Variants in GPHN observed in about 807,000 individuals in gnomAD.
The protein encoded by GPHN is gephyrin.
In GPHN, 17 loss-of-function variants were observed where a neutral mutation model predicts 95.5. The observed-to-expected ratio is 0.18, with a 90% CI of 0.12 to 0.27. The LOEUF (loss-of-function observed/expected upper bound fraction) is 0.27. Among genes scored for constraint, GPHN ranks in the 10% least tolerant of loss-of-function variants. The probability of loss-of-function intolerance (pLI) is 1.00; values close to 1 mark genes in which losing one functional copy is unlikely to be tolerated. For synonymous variants in GPHN, 320 were observed against 322.5 expected (o/e 0.99, Z 0.08); for missense variants, 660 against 978.1 (o/e 0.67, Z 4.34).
At chr14:67,211,152 A>T in the GPHN span, among the ~76,000 whole-genome samples, 1 of 152,208 alleles carries the variant, frequency 6.6e-6, no homozygotes, top group East Asian at 1.9e-4. Context: ...ACTATCTACC[A>T]TGTAGAATTG....
intron 5 of GPHN, among the ~76,000 whole-genome samples, chr14:66,880,670 C>A (rs980912070): frequency 6.6e-6 from 1 of 151,806 alleles, no homozygotes; most frequent in African/African-American, 2.4e-5. Flanking sequence ...TATTGTTAAT[C>A]TTTTAATGCT....
At chr14:67,607,459 C>T in the GPHN span, among the ~76,000 whole-genome samples, 1 of 152,066 alleles carries the variant, frequency 6.6e-6, no homozygotes. Context: ...CTCTGCCTCC[C>T]AGGTTCAAGA....
chr14:66,656,419 C>T (rs904411649), intron 1 of GPHN, among the ~76,000 whole-genome samples: 1 of 152,018 alleles, frequency 6.6e-6, no homozygotes, highest in East Asian at 1.9e-4. Context: ...CCTTTTGATT[C>T]CTACAGAGTC....
At chr14:67,418,807 A>G in the GPHN span, among the ~76,000 whole-genome samples, 3 of 152,206 alleles carry the variant, frequency 2.0e-5, no homozygotes, top group African/African-American at 4.8e-5. Context: ...TCTCCCTGCC[A>G]TGGAGGGGTG....
At chr14:67,719,836 C>CT in the GPHN span, among the ~76,000 whole-genome samples, 7 of 152,042 alleles carry the variant, frequency 4.6e-5, no homozygotes, top group Admixed American at 6.6e-5. Flanking sequence ...ATTATTTATT[C>CT]TTTTTTTACA....
chr14:66,617,621 A>G (rs1252835825), intron 1 of GPHN, among the ~76,000 whole-genome samples: 2 of 152,092 alleles, frequency 1.3e-5, no homozygotes, highest in African/African-American at 4.8e-5. Flanking sequence ...TTTCAATGGG[A>G]GCCTCCGAAC....
chr14:67,708,163 T>C, the GPHN span, among the ~76,000 whole-genome samples: 1 of 152,224 alleles, frequency 6.6e-6, no homozygotes, highest in Non-Finnish European at 1.5e-5. Context: ...GGGAGTATAC[T>C]TTAGTCAATT....
At chr14:66,677,962 T>A (rs1343042771) in intron 1 of GPHN, among the ~76,000 whole-genome samples, 1 of 152,194 alleles carries the variant, frequency 6.6e-6, no homozygotes, top group Admixed American at 6.5e-5. Flanking sequence ...AGAAATTTAC[T>A]GTTAGTCTGA....
At chr14:66,535,240 A>T (rs888499343) in intron 1 of GPHN, among the ~76,000 whole-genome samples, 14 of 152,132 alleles carry the variant, frequency 9.2e-5, no homozygotes, top group African/African-American at 3.4e-4. Flanking sequence ...TTGAAAAAAA[A>T]ATTGCCCTTA....
intron 5 of GPHN, among the ~76,000 whole-genome samples, chr14:66,887,413 C>A (rs913830608): frequency 6.6e-6 from 1 of 152,192 alleles, no homozygotes; most frequent in South Asian, 2.1e-4. Flanking sequence ...CACAGTGAAA[C>A]CTCATCTACT....
At chr14:67,710,278 A>T in the GPHN span, among the ~76,000 whole-genome samples, 1 of 152,150 alleles carries the variant, frequency 6.6e-6, no homozygotes, top group African/African-American at 2.4e-5. Context: ...CCTGTCTGAG[A>T]TTTTCTGGGT....
intron 10 of GPHN, among the ~76,000 whole-genome samples, chr14:67,028,487 T>G (rs2074033645): frequency 6.6e-6 from 1 of 152,184 alleles, no homozygotes; most frequent in African/African-American, 2.4e-5. Context: ...CCACCAACAG[T>G]GTATAAGAGT....
chr14:67,582,652 GA>G, the GPHN span, among the ~76,000 whole-genome samples: 147,682 of 151,464 alleles, frequency 0.98, 72,102 homozygotes, highest in Non-Finnish European at 1. This position sits in a 1 kb window ranked among gnomAD's most constrained non-coding sequence, Gnocchi z 5.0. Flanking sequence ...TGTCTCTACT[GA>G]AAAAAAATAA....
chr14:66,991,184 A>G (rs2071395904), intron 9 of GPHN, among the ~76,000 whole-genome samples: 2 of 152,078 alleles, frequency 1.3e-5, no homozygotes, highest in Admixed American at 6.6e-5. Flanking sequence ...CTTTTTCTCT[A>G]TATCATTCAA....
chr14:66,740,729 A>G (rs1433650273), intron 2 of GPHN, among the ~76,000 whole-genome samples: 2 of 152,196 alleles, frequency 1.3e-5, no homozygotes, highest in Admixed American at 1.3e-4. Flanking sequence ...TGGATGAATA[A>G]TAAAAGTTAG....
rs144712516 is a variant in GPHN, at chr14:66,631,855, T to C, written c.65-49252T>C. Among the ~76,000 whole-genome samples, 559 of 152,312 alleles carry C rather than the reference T, an allele frequency of 3.7e-3. 12 individuals carry two copies. Among genetic ancestry groups the C allele is most frequent in the African/African-American group, 0.013 (530 of 41,582 alleles). On this transcript the variant is annotated intron_variant, in intron 1 of 22. Coordinates refer to ENST00000478722, the MANE Select transcript of GPHN (RefSeq NM_020806.5). ...CATTTTTCTGCAAGTGATTTCCGAATGTTTCTAACCCTAAACAGTTTCCTA... is the reference window on the plus strand; with the variant it reads ...CATTTTTCTGCAAGTGATTTCCGAACGTTTCTAACCCTAAACAGTTTCCTA...
intron 12 of GPHN, among the ~76,000 whole-genome samples, chr14:67,095,137 A>G (rs1489852515): frequency 6.6e-6 from 1 of 152,194 alleles, no homozygotes; most frequent in Non-Finnish European, 1.5e-5. Flanking sequence ...CTGTCTTCAT[A>G]AGACAAACCT....
intron 5 of GPHN, among the ~76,000 whole-genome samples, chr14:66,896,667 A>C (rs2153544485): frequency 6.6e-6 from 1 of 152,270 alleles, no homozygotes; most frequent in East Asian, 1.9e-4. Context: ...TAGTTTTTTA[A>C]AGTTAAGTAT....
intron 2 of GPHN, among the ~76,000 whole-genome samples, chr14:66,748,438 T>G (rs186292386): frequency 3.1e-4 from 47 of 152,116 alleles, no homozygotes; most frequent in Admixed American, 1.6e-3. Flanking sequence ...ATATACCCCC[T>G]GCACCCTTAC....
Sources: gnomAD v4.1 joint callset for allele counts (sites outside exome capture counted in the v4.1 genomes callset) on GRCh38, gnomAD v4.1.1 for gene constraint, Gnocchi (gnomAD v3.1) non-coding constraint, MANE v1.5 for transcripts, NCBI Gene and HGNC (gene_info 2026-07-23, HGNC 2026-07-21) for gene names.